FGF14: variants seen among roughly 807,000 people sequenced by gnomAD.
FGF14 encodes the protein fibroblast growth factor 14, also known as fibroblast growth factor homologous factor 4.
A neutral mutation model predicts 25.5 loss-of-function variants in FGF14; 5 were observed. The observed-to-expected ratio is 0.20, with a 90% CI of 0.10 to 0.41. FGF14 has a LOEUF of 0.41. Among genes scored for constraint, FGF14 ranks in the 10% least tolerant of loss-of-function variants. FGF14 has a pLI of 1.00. For synonymous variants in FGF14, 138 were observed against 118.3 expected (o/e 1.17, Z -1.08); for missense variants, 222 against 320.1 (o/e 0.69, Z 2.34).
intron 1 of FGF14, among the ~76,000 whole-genome samples, chr13:102,185,190 C>A (rs1238555068): frequency 6.6e-6 from 1 of 152,118 alleles, no homozygotes; most frequent in East Asian, 1.9e-4. Context: ...CATGCCTCAT[C>A]TTTAAGCTCA....
intron 1 of FGF14, among the ~76,000 whole-genome samples, chr13:101,944,199 C>T (rs1363385945): frequency 1.3e-5 from 2 of 152,098 alleles, no homozygotes; most frequent in Non-Finnish European, 2.9e-5. Flanking sequence ...GCCCAGTTTT[C>T]TTTATCTATT....
At chr13:102,167,326 A>AAG (rs541200384) in intron 1 of FGF14, among the ~76,000 whole-genome samples, 28,477 of 146,920 alleles carry the variant, frequency 0.19, 3,150 homozygotes, top group Middle Eastern at 0.24. Context: ...AAAAAAAAAA[A>AAG]AAAAAAAAGG....
At chr13:101,921,509 C>T (rs116285274), upstream of FGF14, among the ~76,000 whole-genome samples, 1,151 of 152,232 alleles carry the variant, frequency 7.6e-3, 13 homozygotes, top group African/African-American at 0.026. Context: ...TCTAATACCC[C>T]GTATATATTT....
At chr13:101,810,844 G>A (rs9554825) in intron 3 of FGF14, among the ~76,000 whole-genome samples, 24,442 of 151,750 alleles carry the variant, frequency 0.16, 2,117 homozygotes, top group Admixed American at 0.2. Flanking sequence ...TGTCCTTTCC[G>A]TAAGATGCTG....
intron 1 of FGF14, among the ~76,000 whole-genome samples, chr13:102,067,285 G>C (rs2042942842): frequency 6.6e-6 from 1 of 152,100 alleles, no homozygotes; most frequent in African/African-American, 2.4e-5. Context: ...TGACCACTCA[G>C]CTACAGTGAC....
At chr13:101,839,897 G>C (rs2043113417) in intron 3 of FGF14, among the ~76,000 whole-genome samples, 1 of 151,942 alleles carries the variant, frequency 6.6e-6, no homozygotes, top group Non-Finnish European at 1.5e-5. Context: ...AATAAGGCTA[G>C]AACCTACTCT....
chr13:102,365,499 A>T (rs1037049437), intron 1 of FGF14, among the ~76,000 whole-genome samples: 4 of 152,166 alleles, frequency 2.6e-5, no homozygotes, highest in African/African-American at 9.6e-5. Flanking sequence ...AAAAATTATT[A>T]TGTATATCAA....
At chr13:101,799,440 C>A (rs1276377555) in intron 3 of FGF14, among the ~76,000 whole-genome samples, 1 of 152,000 alleles carries the variant, frequency 6.6e-6, no homozygotes, top group Non-Finnish European at 1.5e-5. Context: ...TAGGCAAGTG[C>A]CCTGCTGAGG....
intron 1 of FGF14, among the ~76,000 whole-genome samples, chr13:102,368,481 C>T (rs542628719): frequency 1.3e-5 from 2 of 152,258 alleles, no homozygotes; most frequent in Admixed American, 1.3e-4. Context: ...ATTATGACCA[C>T]GGGGGGTTCA....
At chr13:102,171,342 A>G (rs542166296) in intron 1 of FGF14, among the ~76,000 whole-genome samples, 2 of 152,200 alleles carry the variant, frequency 1.3e-5, no homozygotes, top group African/African-American at 4.8e-5. Context: ...TTCAGGAAAT[A>G]GATTTCATAA....
chr13:102,277,047 T>C (rs2053584974), intron 1 of FGF14, among the ~76,000 whole-genome samples: 1 of 152,194 alleles, frequency 6.6e-6, no homozygotes, highest in Non-Finnish European at 1.5e-5. Flanking sequence ...TCATTTTAAA[T>C]TGTAATTCCT....
At chr13:101,940,762 T>C (rs543780100) in intron 1 of FGF14, among the ~76,000 whole-genome samples, 11 of 152,320 alleles carry the variant, frequency 7.2e-5, no homozygotes, top group African/African-American at 2.6e-4. Context: ...TCCTCTACAG[T>C]GTAAATTCCA....
intron 3 of FGF14, among the ~76,000 whole-genome samples, chr13:101,788,911 G>C (rs12856577): frequency 4.8e-5 from 1 of 20,848 alleles, no homozygotes; most frequent in Non-Finnish European, 9.7e-5. Context: ...TATATATATA[G>C]AGAGAGAGAG....
intron 1 of FGF14, among the ~76,000 whole-genome samples, chr13:102,304,346 A>G (rs1566920922): frequency 6.6e-6 from 1 of 152,062 alleles, no homozygotes; most frequent in Non-Finnish European, 1.5e-5. Context: ...CTCTGATCCT[A>G]AATTCAGCCC....
chr13:102,098,413 T>C (rs184971439), intron 1 of FGF14, among the ~76,000 whole-genome samples: 282 of 152,334 alleles, frequency 1.9e-3, no homozygotes, highest in Admixed American at 4.4e-3. Context: ...AATATAAGTA[T>C]CAACTTTTTT....
chr13:102,297,759 G>C (rs1177613877), intron 1 of FGF14, among the ~76,000 whole-genome samples: 1 of 151,814 alleles, frequency 6.6e-6, no homozygotes, highest in Non-Finnish European at 1.5e-5. Flanking sequence ...AGCAGGGCAT[G>C]GTGGTGTGCA....
chr13:102,076,439 C>T (rs1391923814), intron 1 of FGF14, among the ~76,000 whole-genome samples: 1 of 152,126 alleles, frequency 6.6e-6, no homozygotes, highest in Admixed American at 6.6e-5. Flanking sequence ...TAGGCTATAC[C>T]ATCTAGGCTT....
chr13:102,015,035 A>G (rs112126366), intron 1 of FGF14, among the ~76,000 whole-genome samples: 4,886 of 152,202 alleles, frequency 0.032, 254 homozygotes, highest in African/African-American at 0.11. Flanking sequence ...AGCCTCCCAT[A>G]TAGCTGGGAT....
chr13:102,360,673 C>T (rs768422762), intron 1 of FGF14, among the ~76,000 whole-genome samples: 11 of 152,092 alleles, frequency 7.2e-5, no homozygotes, highest in Non-Finnish European at 1.3e-4. Context: ...GAGAAGAATA[C>T]AAACACCTTT....
Sources: gnomAD v4.1 joint callset for allele counts (sites outside exome capture counted in the v4.1 genomes callset) on GRCh38, gnomAD v4.1.1 for gene constraint, MANE v1.5 for transcripts, NCBI Gene and HGNC (gene_info 2026-07-23, HGNC 2026-07-21) for gene names.